Variants in PCDH15 observed in about 807,000 individuals in gnomAD.
PCDH15 encodes protocadherin-15.
PCDH15 carries 129 observed loss-of-function variants against 178.5 expected under a neutral mutation model. That is an observed-to-expected ratio of 0.72 (90% CI 0.63 to 0.84). The LOEUF (loss-of-function observed/expected upper bound fraction) is 0.84. Ranked by LOEUF, PCDH15 falls within the 40% of genes least tolerant of loss-of-function variation. The pLI, the probability that PCDH15 is intolerant of heterozygous loss-of-function variation, is 0.00. For missense variants in PCDH15, 2,230 were observed against 2,099.9 expected, an observed-to-expected ratio of 1.06 and a Z score of -1.21; for synonymous variants, 800 against 732.0, an observed-to-expected ratio of 1.09 and a Z score of -1.50.
chr10:54,367,561 A>C (rs1946989085), intron 5 of PCDH15, among the ~76,000 whole-genome samples: 3 of 151,986 alleles, frequency 2.0e-5, no homozygotes. Flanking sequence ...CAAGAACAGA[A>C]AACCAAACAC....
At chr10:53,958,448 G>A (rs1039807862) in intron 23 of PCDH15, among the ~76,000 whole-genome samples, 5 of 152,072 alleles carry the variant, frequency 3.3e-5, no homozygotes, top group African/African-American at 1.2e-4. Flanking sequence ...GTGTCCCTTA[G>A]CCTGCTTCCT....
intron 1 of PCDH15, among the ~76,000 whole-genome samples, chr10:54,767,819 G>T (rs1293092147): frequency 6.6e-6 from 1 of 152,092 alleles, no homozygotes; most frequent in African/African-American, 2.4e-5. Context: ...CAAAGTCCAA[G>T]AAATTGTCAT....
At chr10:54,132,785 C>G in intron 15 of PCDH15, 90 bp downstream of exon 15, 1 of 1,538,396 alleles carries the variant, frequency 6.5e-7, no homozygotes, top group South Asian at 1.2e-5. Context: ...GAGGTTTCTC[C>G]CTCCATACAC....
At chr10:55,312,450 A>C (rs1299546513) in intron 1 of PCDH15, among the ~76,000 whole-genome samples, 1 of 152,120 alleles carries the variant, frequency 6.6e-6, no homozygotes, top group Non-Finnish European at 1.5e-5. Flanking sequence ...TTTCTCATGG[A>C]GTAGACAGCA....
intron 8 of PCDH15, among the ~76,000 whole-genome samples, chr10:54,316,203 T>C (rs1194138523): frequency 6.6e-6 from 1 of 152,070 alleles, no homozygotes; most frequent in Non-Finnish European, 1.5e-5. Context: ...TTGCTGTGAG[T>C]AGACTCAAAA....
In PCDH15 at chr10:53,946,308, G is replaced by A. The variant is rs79742662; in HGVS notation, c.3123-5333C>T. ...TGACACTGTGTGCTATCTTCCACAC[G>A]GTGAGAGTTTTCCCTTAGGATCAGT... On this transcript the variant is annotated intron_variant, in intron 23 of 37. Transcript: ENST00000644397. 1.8e-4 allele frequency among the ~76,000 whole-genome samples: 28 copies of A among 152,142 alleles called. No homozygotes were observed. In the East Asian group the frequency reaches 3.9e-3, roughly 21 times the overall value.
At chr10:54,756,001 G>A (rs1947030282) in intron 1 of PCDH15, among the ~76,000 whole-genome samples, 1 of 150,920 alleles carries the variant, frequency 6.6e-6, no homozygotes, top group Non-Finnish European at 1.5e-5. Flanking sequence ...ATCACCTGAG[G>A]TCAGGAGTTC....
chr10:54,113,492 G>A (rs978857860), intron 15 of PCDH15, among the ~76,000 whole-genome samples: 7 of 152,090 alleles, frequency 4.6e-5, no homozygotes, highest in African/African-American at 1.4e-4. Context: ...GTGAAGAAAT[G>A]TGGCTTGAGT....
chr10:55,425,374 T>G (rs1838726919), intron 2 of PCDH15, among the ~76,000 whole-genome samples: 1 of 152,044 alleles, frequency 6.6e-6, no homozygotes, highest in Admixed American at 6.6e-5. Flanking sequence ...CTCAAAAATT[T>G]TATGTAGCAA....
intron 1 of PCDH15, among the ~76,000 whole-genome samples, chr10:54,689,795 T>C (rs1415992807): frequency 6.6e-6 from 1 of 152,008 alleles, no homozygotes; most frequent in Non-Finnish European, 1.5e-5. Flanking sequence ...TATATTGGAG[T>C]GTGCTCTATA....
At chr10:55,566,830 CA>C (rs1842311801) in intron 2 of PCDH15, among the ~76,000 whole-genome samples, 1 of 151,732 alleles carries the variant, frequency 6.6e-6, no homozygotes, top group Admixed American at 6.6e-5. Flanking sequence ...GAAGACTTAA[CA>C]TTGTTATAAT....
chr10:54,655,247 A>AG, intron 2 of PCDH15, among the ~76,000 whole-genome samples: 3 of 98,448 alleles, frequency 3.0e-5, no homozygotes, highest in Non-Finnish European at 4.3e-5. Context: ...GGAAAGAAAG[A>AG]AAGAAAGAAA....
intron 21 of PCDH15, among the ~76,000 whole-genome samples, chr10:53,971,770 G>A (rs901752725): frequency 5.3e-5 from 8 of 152,004 alleles, no homozygotes; most frequent in Middle Eastern, 6.8e-3. Context: ...TACAAACCAC[G>A]GCTCAAGGAA....
At chr10:55,066,347 G>A (rs1841564270) in intron 2 of PCDH15, among the ~76,000 whole-genome samples, 1 of 150,178 alleles carries the variant, frequency 6.7e-6, no homozygotes, top group African/African-American at 2.4e-5. Flanking sequence ...GGATTGATTT[G>A]TTTTATTCTA....
chr10:55,474,085 G>T (rs966034407), intron 2 of PCDH15, among the ~76,000 whole-genome samples: 1 of 152,082 alleles, frequency 6.6e-6, no homozygotes, highest in Admixed American at 6.6e-5. Context: ...TTCATGTTGC[G>T]TTGAAGGTTA....
At chr10:53,985,656 A>C (rs922639460) in intron 21 of PCDH15, among the ~76,000 whole-genome samples, 3 of 152,032 alleles carry the variant, frequency 2.0e-5, no homozygotes, top group Admixed American at 6.6e-5. Context: ...AAGATCAAGC[A>C]GGGAAAAAAT....
In PCDH15 at chr10:55,078,499, C is replaced by T. The variant is rs560474905; in HGVS notation, c.-80+88077G>A. On this transcript the variant is annotated intron_variant, in intron 2 of 5. Coordinates refer to the PCDH15 transcript ENST00000458638. Reference sequence around the variant, plus strand: ...ACCCATATATTATGAAGTCTTTATTCGTTCTTTTTTATTCTTTTTTCTTTA... The same window carrying T: ...ACCCATATATTATGAAGTCTTTATTTGTTCTTTTTTATTCTTTTTTCTTTA... 5.3e-5 allele frequency among the ~76,000 whole-genome samples: 8 copies of T among 152,032 alleles called. No homozygotes were observed. The East Asian group carries it at 1.5e-3, about 29-fold the overall frequency.
intron 1 of PCDH15, among the ~76,000 whole-genome samples, chr10:54,737,859 C>T (rs1023607214): frequency 4.6e-5 from 7 of 151,996 alleles, no homozygotes; most frequent in Non-Finnish European, 8.8e-5. Flanking sequence ...AGTTTAAATC[C>T]TAATGTGGAG....
At chr10:55,022,322 C>T (rs1467586594) in intron 2 of PCDH15, among the ~76,000 whole-genome samples, 1 of 151,614 alleles carries the variant, frequency 6.6e-6, no homozygotes, top group African/African-American at 2.4e-5. Flanking sequence ...CATGGTGGCA[C>T]ACTCCTGAAA....
Sources: allele counts gnomAD v4.1 joint callset (sites outside exome capture counted in the v4.1 genomes callset), GRCh38; gene constraint gnomAD v4.1.1; transcripts MANE v1.5; gene names NCBI Gene and HGNC (gene_info 2026-07-23, HGNC 2026-07-21).